ZBTB8B: variants seen among roughly 807,000 people sequenced by gnomAD.
ZBTB8B encodes the protein zinc finger and BTB domain containing 8B.
In ZBTB8B, 17 loss-of-function variants were observed where a neutral mutation model predicts 30.3. The ratio of observed to expected loss-of-function variants is 0.56; its 90% CI spans 0.38 to 0.84. The LOEUF (loss-of-function observed/expected upper bound fraction) is 0.84, where lower values mean the gene tolerates loss of function less well. ZBTB8B is among the 40% of genes least tolerant of loss of function. ZBTB8B has a pLI of 0.00. For missense variants in ZBTB8B, 515 were observed against 644.9 expected, an observed-to-expected ratio of 0.80 and a Z score of 2.18; for synonymous variants, 248 against 255.6, an observed-to-expected ratio of 0.97 and a Z score of 0.28.
rs1643806173 is a variant in ZBTB8B at position 32,494,903 on chromosome 1, G to A, written c.*9485G>A. 1.3e-5 allele frequency: 2 copies of A among 151,956 alleles called. No individual in the cohort carries two copies. Among genetic ancestry groups the A allele is most frequent in the Admixed American group, 1.3e-4 (2 of 15,236 alleles). 9.4% of individuals were successfully genotyped at this position (151,956 alleles called of 1,614,324 possible). ...AATCTCCGCCTCCAGAGTTCAAAGA[G>A]TTCTCATGCCTCAGCCTCCTGAGTA... On this transcript the variant is annotated 3_prime_UTR_variant, in exon 4 of 4. Coordinates refer to ENST00000609129, the MANE Select transcript of ZBTB8B (RefSeq NM_001145720.2).
chr1:32,475,566 A>G (rs916523490), intron 2 of ZBTB8B, among the ~76,000 whole-genome samples: 1 of 152,166 alleles, frequency 6.6e-6, no homozygotes, highest in Non-Finnish European at 1.5e-5. Flanking sequence ...AGCCTGGGCA[A>G]CAAAGCGAGA....
At chr1:32,467,769 G>A (rs1288252233) in intron 1 of ZBTB8B, among the ~76,000 whole-genome samples, 2 of 152,064 alleles carry the variant, frequency 1.3e-5, no homozygotes, top group East Asian at 3.9e-4. Flanking sequence ...AGTTAACCAA[G>A]GGTAGTGGAA....
chr1:32,479,452 G>C (rs1459947130), intron 2 of ZBTB8B, among the ~76,000 whole-genome samples: 2 of 152,122 alleles, frequency 1.3e-5, no homozygotes, highest in Non-Finnish European at 2.9e-5. Flanking sequence ...GCACCCAGGA[G>C]GTGGAGGTTG....
At chr1:32,475,169 A>G (rs534788661) in intron 2 of ZBTB8B, among the ~76,000 whole-genome samples, 2 of 152,154 alleles carry the variant, frequency 1.3e-5, no homozygotes, top group Non-Finnish European at 2.9e-5. Context: ...AGTAGGATTG[A>G]TTTGTTTGGT....
chr1:32,466,679 T>G (rs1007815188), intron 1 of ZBTB8B, among the ~76,000 whole-genome samples: 1 of 152,088 alleles, frequency 6.6e-6, no homozygotes, highest in Non-Finnish European at 1.5e-5. Context: ...TGCAATAGAA[T>G]AAAAAATAAT....
rs1331719582 is a variant in ZBTB8B at position 32,489,779 on chromosome 1, CA to C, written c.*4365del. 1 of 152,096 alleles carries C rather than the reference CA, an allele frequency of 6.6e-6. No individual in the cohort carries two copies. The highest frequency in any genetic ancestry group is 2.4e-5 in the African/African-American group (1 of 41,402). 9.4% of individuals were successfully genotyped at this position (152,096 alleles called of 1,614,324 possible). A position where few individuals can be genotyped will look rare whatever the true frequency, so the allele number is the denominator to read the frequency against. On this transcript the variant is annotated 3_prime_UTR_variant, in exon 4 of 4. Coordinates refer to ENST00000609129, the MANE Select transcript of ZBTB8B (RefSeq NM_001145720.2). ...TCTTGGGGGATGAGGACCCCCTTCTCAAAAGTTGAGAAGGAATGTAAATAGG... is the reference window on the plus strand; with the variant it reads ...TCTTGGGGGATGAGGACCCCCTTCTCAAAGTTGAGAAGGAATGTAAATAGG...
chr1:32,471,427 T>C lies in ZBTB8B; in HGVS notation c.803T>C (p.Val268Ala), dbSNP rs1001407969. The C allele has an allele frequency of 7.1e-6, 11 of 1,551,672 alleles. No homozygotes were observed. The highest frequency in any genetic ancestry group is 9.6e-6 in the Non-Finnish European group (11 of 1,147,032). The change falls in exon 2 of 4, where the codon GTT (valine) becomes GCT (alanine). Residue 268 changes from valine (V) to alanine (A), a missense_variant. Physicochemically the swap from Val to Ala is moderately conservative, Grantham distance 64 (BLOSUM62 0). Coordinates refer to ENST00000609129, the MANE Select transcript of ZBTB8B (RefSeq NM_001145720.2). The part of the protein sequence containing the change: ...VEEALPSGQA[V>A]DLAYSNYHVK... The stretch of plus-strand genomic sequence containing the variant: ...GAGGCCTTGCCAAGCGGCCAGGCGG[T>C]TGACTTGGCTTACAGCAACTACCAC...
In ZBTB8B at chr1:32,480,913, C is replaced by A; in HGVS notation, c.1014C>A (p.Ile338=). The A allele has an allele frequency of 6.4e-7, 1 of 1,551,684 alleles. No individual in the cohort carries two copies. Among genetic ancestry groups the A allele is most frequent in the South Asian group, 1.2e-5 (1 of 83,962 alleles). The change falls in exon 3 of 4, where the codon ATC becomes ATA. Residue 338 remains isoleucine, a synonymous_variant. Coordinates refer to ENST00000609129, the MANE Select transcript of ZBTB8B (RefSeq NM_001145720.2). ...EDSGDVLVVP[I]KLHKCPFCPY... ...CAGGTGATGTGCTGGTGGTCCCCATCAAGCTCCACAAGTGTCCTTTCTGCC... is the reference window on the plus strand; with the variant it reads ...CAGGTGATGTGCTGGTGGTCCCCATAAAGCTCCACAAGTGTCCTTTCTGCC...
intron 2 of ZBTB8B, among the ~76,000 whole-genome samples, chr1:32,478,896 T>A (rs927022531): frequency 6.6e-6 from 1 of 152,176 alleles, no homozygotes; most frequent in Non-Finnish European, 1.5e-5. Flanking sequence ...GTAAAAAAAA[T>A]TCTGAAGAGA....
In ZBTB8B at chr1:32,471,397, T is replaced by A; in HGVS notation, c.773T>A (p.Val258Glu). The change falls in exon 2 of 4, where the codon GTG becomes GAG. Residue 258 changes from valine to glutamate, a missense_variant. Coordinates refer to ENST00000609129, the MANE Select transcript of ZBTB8B (RefSeq NM_001145720.2). Reference protein sequence around the residue: ...QYAAPLNLAHVEEALPSGQAV... With the variant: ...QYAAPLNLAHEEEALPSGQAV... Reference sequence around the variant, plus strand: ...GCTGCCCCGCTGAACCTGGCCCACGTGGAGGAGGCCTTGCCAAGCGGCCAG... The same window carrying A: ...GCTGCCCCGCTGAACCTGGCCCACGAGGAGGAGGCCTTGCCAAGCGGCCAG... 6.4e-7 allele frequency: 1 copy of A among 1,551,774 alleles called. No homozygotes were observed. Among genetic ancestry groups the A allele is most frequent in the Non-Finnish European group, 8.7e-7 (1 of 1,147,010 alleles).
chr1:32,480,994 C>A lies in ZBTB8B; in HGVS notation c.1095C>A (p.Gly365=). Residue 365 remains glycine (G), a synonymous_variant, in exon 3 of 4, where the codon GGC becomes GGA. Transcript: ENST00000609129. ...ILKRHIRSHT[G]ERPYPCETCG... ...AGCGGCACATCCGTTCACACACAGG[C>A]GAGCGGCCCTACCCCTGTGAGACCT... 6.4e-7 allele frequency: 1 copy of A among 1,552,422 alleles called. No individual in the cohort carries two copies. Among genetic ancestry groups the A allele is most frequent in the South Asian group, 1.2e-5 (1 of 84,068 alleles).
At chr1:32,482,613 G>T (rs1307844409) in intron 3 of ZBTB8B, among the ~76,000 whole-genome samples, 2 of 145,188 alleles carry the variant, frequency 1.4e-5, no homozygotes. Flanking sequence ...GGAGGTTGCA[G>T]TGAGCCAAGA....
Position 32,492,296 on chromosome 1 carries a change from CTTTTTTTTTTT to C in ZBTB8B, c.*6891_*6901del, listed in dbSNP as rs757432694. 1 of 122,916 alleles carries C rather than the reference CTTTTTTTTTTT, an allele frequency of 8.1e-6. No homozygotes were observed. Among genetic ancestry groups the C allele is most frequent in the Admixed American group, 8.4e-5 (1 of 11,964 alleles). The allele number at this position is 122,916 out of a possible 1,614,324, so 7.6% of individuals were successfully genotyped here. A position where few individuals can be genotyped will look rare whatever the true frequency, so the allele number is the denominator to read the frequency against. On this transcript the variant is annotated 3_prime_UTR_variant, in exon 4 of 4. Coordinates refer to ENST00000609129, the MANE Select transcript of ZBTB8B (RefSeq NM_001145720.2). ...AAACACAGGCTCTTGGTAACCGTGCCTTTTTTTTTTTTTTTTTTTTTTTAAAGATGGAGTTT... is the reference window on the plus strand; with the variant it reads ...AAACACAGGCTCTTGGTAACCGTGCCTTTTTTTTTTTTAAAGATGGAGTTT...
rs191876579 is a variant in ZBTB8B at position 32,477,573 on chromosome 1, A to G, written c.992-3318A>G. ...TGCCAGAGGAGTGAGCAGGGTGATG[A>G]GTTATGAGCTGCTACTTTGATCCTA... On this transcript the variant is annotated intron_variant, in intron 2 of 3. Transcript: ENST00000609129. Among the ~76,000 whole-genome samples the G allele has an allele frequency of 7.2e-5, 11 of 152,198 alleles. No individual in the cohort carries two copies. The East Asian group carries it at 2.1e-3, about 29-fold the overall frequency.
chr1:32,471,109 G>A lies in ZBTB8B; in HGVS notation c.485G>A (p.Ser162Asn). 1 of 1,551,604 alleles carries A rather than the reference G, an allele frequency of 6.4e-7. No homozygotes were observed. The highest frequency in any genetic ancestry group is 8.7e-7 in the Non-Finnish European group (1 of 1,147,000). The change falls in exon 2 of 4, where the codon AGT (serine) becomes AAT (asparagine). Residue 162 changes from serine (S) to asparagine (N), a missense_variant. Physicochemically the swap from Ser to Asn is conservative, Grantham distance 46. Coordinates refer to ENST00000609129, the MANE Select transcript of ZBTB8B (RefSeq NM_001145720.2). ...CATCAGGTTGACAGTGAAAGCCCCA[G>A]TTCAGGCCGGGAGGGGACCTCCTGT... ...AAHQVDSESPSSGREGTSCGT... is the reference protein window; with the variant it reads ...AAHQVDSESPNSGREGTSCGT...
In ZBTB8B at chr1:32,485,234, A is replaced by C; in HGVS notation, c.1304A>C (p.Asp435Ala). 1 of 1,552,028 alleles carries C rather than the reference A, an allele frequency of 6.4e-7. No homozygotes were observed. The highest frequency in any genetic ancestry group is 8.7e-7 in the Non-Finnish European group (1 of 1,147,072). The change falls in exon 4 of 4, where the codon GAT (aspartate) becomes GCT (alanine). Residue 435 changes from aspartate (D) to alanine (A), a missense_variant. Asp to Ala is a moderately radical substitution (Grantham distance 126). Transcript: ENST00000609129. Reference protein sequence around the residue: ...TCVTDTPDDDDDLMPINLSLV... With the variant: ...TCVTDTPDDDADLMPINLSLV... ...GTTACAGACACACCCGATGATGATGATGATTTGATGCCCATCAACCTTAGC... is the reference window on the plus strand; with the variant it reads ...GTTACAGACACACCCGATGATGATGCTGATTTGATGCCCATCAACCTTAGC...
At chr1:32,475,864 CTG>C (rs1171233213) in intron 2 of ZBTB8B, among the ~76,000 whole-genome samples, 2 of 147,374 alleles carry the variant, frequency 1.4e-5, no homozygotes, top group African/African-American at 2.5e-5. Flanking sequence ...GTTGCCCAGG[CTG>C]GAGTACGGTG....
In ZBTB8B at chr1:32,484,956, T is replaced by G. The variant is rs1445915256; in HGVS notation, c.1171-145T>G. On this transcript the variant is annotated intron_variant, in intron 3 of 3. Coordinates refer to ENST00000609129, the MANE Select transcript of ZBTB8B (RefSeq NM_001145720.2). The surrounding 1 kb of genome is among the most constrained non-coding windows in gnomAD (Gnocchi z 4.5). The stretch of plus-strand genomic sequence containing the variant: ...TCTTTATAGCAGTGCAAGAACAGAC[T>G]AATACAAAGACTGTGGCAGAGAATG... The G allele has an allele frequency of 1.8e-5, 13 of 711,618 alleles. No individual in the cohort carries two copies. Among genetic ancestry groups the G allele is most frequent in the African/African-American group, 1.6e-4 (9 of 55,924 alleles). The allele number at this position is 711,618 out of a possible 1,614,324, so 44.1% of individuals were successfully genotyped here. A position where few individuals can be genotyped will look rare whatever the true frequency, so the allele number is the denominator to read the frequency against.
At position 32,485,150 on chromosome 1, in the gene ZBTB8B, T is replaced by A; in HGVS notation, c.1220T>A (p.Phe407Tyr). ...PIICKGCRRT[F>Y]TSHLSQGLRR... ...ATCTGCAAGGGCTGCAGGAGAACAT[T>A]CACGAGTCACCTGTCCCAGGGGCTG... Residue 407 changes from phenylalanine to tyrosine, a missense_variant, in exon 4 of 4, where the codon TTC (phenylalanine) becomes TAC (tyrosine). Physicochemically the swap from Phe to Tyr is conservative, Grantham distance 22. This residue lies in a region of ZBTB8B where 429 missense variants were observed against 504.3 expected (regional missense o/e 0.85). Transcript: ENST00000609129. 1 of 1,552,086 alleles carries A rather than the reference T, an allele frequency of 6.4e-7. No homozygotes were observed. Among genetic ancestry groups the A allele is most frequent in the Non-Finnish European group, 8.7e-7 (1 of 1,147,086 alleles).
Sources: gnomAD v4.1 joint callset for allele counts (sites outside exome capture counted in the v4.1 genomes callset) on GRCh38, gnomAD v4.1.1 for gene constraint, gnomAD v4.1.1 regional missense constraint, Gnocchi (gnomAD v3.1) non-coding constraint, MANE v1.5 for transcripts, NCBI Gene and HGNC (gene_info 2026-07-23, HGNC 2026-07-21) for gene names.